SPATA6: variants seen among roughly 807,000 people sequenced by gnomAD.
SPATA6 encodes spermatogenesis associated 6.
SPATA6 carries 56 observed loss-of-function variants against 65.3 expected under a neutral mutation model. The ratio of observed to expected loss-of-function variants is 0.86; its 90% CI spans 0.69 to 1.07. SPATA6 has a LOEUF of 1.07. Among genes scored for constraint, SPATA6 ranks in the 50% least tolerant of loss-of-function variants. The pLI is 0.00. For missense variants in SPATA6, 590 were observed against 594.8 expected (o/e 0.99, Z 0.08); for synonymous variants, 199 against 213.2 (o/e 0.93, Z 0.58).
chr1:48,367,954 T>A (rs553536890), intron 9 of SPATA6, among the ~76,000 whole-genome samples: 1 of 152,354 alleles, frequency 6.6e-6, no homozygotes, highest in Admixed American at 6.5e-5. Context: ...TTTCCATGTT[T>A]AGTGCTTCCT....
chr1:48,359,142 T>A (rs1036516400), intron 10 of SPATA6, among the ~76,000 whole-genome samples: 1 of 152,174 alleles, frequency 6.6e-6, no homozygotes, highest in African/African-American at 2.4e-5. Flanking sequence ...AATCTTTACA[T>A]GATTAAGATG....
At chr1:48,395,008 T>C (rs1374249225) in intron 8 of SPATA6, among the ~76,000 whole-genome samples, 2 of 151,986 alleles carry the variant, frequency 1.3e-5, no homozygotes, top group Non-Finnish European at 2.9e-5. Flanking sequence ...CTAGAATATA[T>C]CACATTTTTT....
chr1:48,367,975 T>A (rs186037152), intron 9 of SPATA6, among the ~76,000 whole-genome samples: 322 of 152,350 alleles, frequency 2.1e-3, no homozygotes, highest in Non-Finnish European at 3.7e-3. Context: ...TCAGGAGCTC[T>A]TTTAGGGCAG....
At chr1:48,368,527 C>T (rs780288864) in intron 9 of SPATA6, among the ~76,000 whole-genome samples, 2 of 152,312 alleles carry the variant, frequency 1.3e-5, no homozygotes, top group Admixed American at 6.5e-5. Flanking sequence ...CTCCCCTTCT[C>T]GCTTCATTTC....
At chr1:48,305,152 A>G (rs1645030739) in intron 12 of SPATA6, among the ~76,000 whole-genome samples, 1 of 152,222 alleles carries the variant, frequency 6.6e-6, no homozygotes, top group Non-Finnish European at 1.5e-5. Context: ...ATTTGAATGC[A>G]AAACCCAAGT....
the SPATA6 span, among the ~76,000 whole-genome samples, chr1:48,264,233 T>G: frequency 6.6e-6 from 1 of 152,180 alleles, no homozygotes. Flanking sequence ...AGTACCCAAA[T>G]ATTTTTGGGG....
chr1:48,388,619 A>G (rs943942351), intron 8 of SPATA6, among the ~76,000 whole-genome samples: 3 of 152,196 alleles, frequency 2.0e-5, no homozygotes, highest in Non-Finnish European at 2.9e-5. Flanking sequence ...GACGTGAATG[A>G]AACTTTTACG....
chr1:48,281,165 GT>G, the SPATA6 span, among the ~76,000 whole-genome samples: 1 of 152,062 alleles, frequency 6.6e-6, no homozygotes, highest in Non-Finnish European at 1.5e-5. Context: ...AATAAATTAA[GT>G]ATTGATGGGA....
At chr1:48,386,943 A>G (rs903370825) in intron 8 of SPATA6, among the ~76,000 whole-genome samples, 1 of 152,254 alleles carries the variant, frequency 6.6e-6, no homozygotes. Flanking sequence ...TACTGGATGT[A>G]GGGCTGTATT....
intron 11 of SPATA6, among the ~76,000 whole-genome samples, chr1:48,309,631 A>G (rs1328496713): frequency 6.6e-6 from 1 of 152,150 alleles, no homozygotes; most frequent in Non-Finnish European, 1.5e-5. Context: ...AGTGAGTCCA[A>G]TGTGTAAGAT....
chr1:48,409,853 AC>A (rs2147974300), intron 5 of SPATA6, among the ~76,000 whole-genome samples: 1 of 151,916 alleles, frequency 6.6e-6, no homozygotes, highest in African/African-American at 2.4e-5. Context: ...CAGCACAGGG[AC>A]CCTGGGCCTA....
chr1:48,361,757 A>T (rs1229190710), intron 9 of SPATA6, among the ~76,000 whole-genome samples: 2 of 152,210 alleles, frequency 1.3e-5, no homozygotes, highest in African/African-American at 4.8e-5. Context: ...CTAGGTGTAT[A>T]CATTAGTTGC....
At chr1:48,356,088 TATGAA>T (rs1210833327) in intron 10 of SPATA6, among the ~76,000 whole-genome samples, 3 of 152,158 alleles carry the variant, frequency 2.0e-5, no homozygotes, top group African/African-American at 4.8e-5. Flanking sequence ...TACCTAATTT[TATGAA>T]ATGAAACAAA....
intron 9 of SPATA6, among the ~76,000 whole-genome samples, chr1:48,366,791 T>C (rs1475652695): frequency 1.3e-5 from 2 of 152,126 alleles, no homozygotes; most frequent in African/African-American, 2.4e-5. Context: ...GTGTCTCTAT[T>C]TCCTTCAGTT....
chr1:48,318,045 C>A (rs982465349), intron 11 of SPATA6, among the ~76,000 whole-genome samples: 3 of 152,044 alleles, frequency 2.0e-5, no homozygotes, highest in Non-Finnish European at 4.4e-5. Flanking sequence ...GAATAAAGGA[C>A]AAAATGATAG....
the SPATA6 span, among the ~76,000 whole-genome samples, chr1:48,268,729 T>C: frequency 1.2e-4 from 19 of 152,290 alleles, no homozygotes; most frequent in African/African-American, 4.1e-4. Context: ...TACATAGAAC[T>C]TCCTTACCAA....
intron 8 of SPATA6, 118 bp downstream of exon 8, chr1:48,395,149 T>C (rs1303740047): frequency 4.7e-6 from 3 of 640,338 alleles, no homozygotes; most frequent in Non-Finnish European, 7.1e-6. Flanking sequence ...AAAGCTACAT[T>C]ATACAATATT....
rs564123732 is a variant in SPATA6 at position 48,390,809 on chromosome 1, C to T, written c.868+4458G>A. On this transcript the variant is annotated intron_variant, in intron 8 of 12. Coordinates refer to ENST00000371847, the MANE Select transcript of SPATA6 (RefSeq NM_019073.4). ...ATTCTACTTTCCCAAACCACCTAATCCAGAAAATAAATAAAGACATATAAT... is the reference window on the plus strand; with the variant it reads ...ATTCTACTTTCCCAAACCACCTAATTCAGAAAATAAATAAAGACATATAAT... Among the ~76,000 whole-genome samples the T allele has an allele frequency of 2.6e-4, 39 of 152,234 alleles. 1 individual carries two copies. The highest frequency in any genetic ancestry group is 9.2e-4 in the Admixed American group (14 of 15,288).
At chr1:48,419,642 T>C (rs1653133973) in intron 3 of SPATA6, among the ~76,000 whole-genome samples, 2 of 152,110 alleles carry the variant, frequency 1.3e-5, no homozygotes, top group African/African-American at 4.8e-5. Context: ...AAGATAAGTA[T>C]GGGTAAGGGT....
Sources: allele counts gnomAD v4.1 joint callset (sites outside exome capture counted in the v4.1 genomes callset), GRCh38; gene constraint gnomAD v4.1.1; transcripts MANE v1.5; gene names NCBI Gene and HGNC (gene_info 2026-07-23, HGNC 2026-07-21).